ADAMTSL1: variants seen among roughly 807,000 people sequenced by gnomAD.
ADAMTSL1 encodes ADAMTS like 1.
ADAMTSL1 carries 126 observed loss-of-function variants against 201.8 expected under a neutral mutation model. The observed-to-expected ratio is 0.62, with a 90% confidence interval of 0.54 to 0.72. ADAMTSL1 has a LOEUF of 0.72. Ranked by LOEUF, ADAMTSL1 falls within the 30% of genes least tolerant of loss-of-function variation. ADAMTSL1 has a pLI of 0.00. For missense variants in ADAMTSL1, 2,679 were observed against 2,277.8 expected (o/e 1.18, Z -3.59); for synonymous variants, 1,121 against 903.4 (o/e 1.24, Z -4.32).
At chr9:18,259,436 C>T (rs116007652) in intron 2 of ADAMTSL1, among the ~76,000 whole-genome samples, 1,668 of 151,422 alleles carry the variant, frequency 0.011, 33 homozygotes, top group African/African-American at 0.037. Flanking sequence ...GAGGTGAGCC[C>T]GGGAGGCAGA....
intron 1 of ADAMTSL1, among the ~76,000 whole-genome samples, chr9:18,023,848 G>C (rs547483031): frequency 6.6e-6 from 1 of 152,178 alleles, no homozygotes; most frequent in Non-Finnish European, 1.5e-5. Context: ...GCAATGCAGA[G>C]AATTCAGGAG....
chr9:18,578,082 C>T (rs761908996), intron 4 of ADAMTSL1, among the ~76,000 whole-genome samples: 2 of 151,680 alleles, frequency 1.3e-5, no homozygotes, highest in Non-Finnish European at 2.9e-5. Flanking sequence ...TCTAGTCCAG[C>T]CCCAGCAAAT....
intron 2 of ADAMTSL1, among the ~76,000 whole-genome samples, chr9:18,274,854 C>G (rs538053917): frequency 6.6e-6 from 1 of 152,200 alleles, no homozygotes; most frequent in African/African-American, 2.4e-5. Flanking sequence ...TAAGCCTGTA[C>G]TTTGAGGAAT....
chr9:18,230,406 C>T lies in ADAMTSL1; in HGVS notation c.207+66425C>T, dbSNP rs115169583. Among the ~76,000 whole-genome samples the T allele has an allele frequency of 4.2e-3, 631 of 152,010 alleles. 7 individuals are homozygous for T. The highest frequency in any genetic ancestry group is 0.015 in the African/African-American group (609 of 41,470). ...GGCTGGGAGAAGTAGGGGAAGTGTC[C>T]CCTGGGCTGAAGAGCAATGTGAGTA... On this transcript the variant is annotated intron_variant, in intron 2 of 29. Coordinates refer to the ADAMTSL1 transcript ENST00000680146.
intron 2 of ADAMTSL1, among the ~76,000 whole-genome samples, chr9:18,383,906 T>A (rs1299314460): frequency 6.6e-6 from 1 of 152,180 alleles, no homozygotes; most frequent in East Asian, 1.9e-4. Flanking sequence ...GTCTGGTTAA[T>A]GCAGATTCTG....
intron 23 of ADAMTSL1, among the ~76,000 whole-genome samples, chr9:18,853,884 A>ACTCT (rs1006513440): frequency 5.3e-4 from 37 of 69,850 alleles, no homozygotes; most frequent in African/African-American, 2.9e-3. Context: ...ACTTGTATTC[A>ACTCT]CTCTCTGTGT....
At chr9:18,446,360 G>A (rs376131788) in intron 2 of ADAMTSL1, among the ~76,000 whole-genome samples, 2 of 152,170 alleles carry the variant, frequency 1.3e-5, no homozygotes, top group Non-Finnish European at 2.9e-5. Context: ...TTTTCTGAAA[G>A]CATTTAAAGG....
rs1354462182 is a variant in ADAMTSL1, at chr9:18,892,294, T to A, written c.4644-95T>A. ...CTGTAAAAAGGGCCTTGGCCCCAAA[T>A]TAGTGGCAAGAGCAGGGATGTCGGT... On this transcript the variant is annotated intron_variant, in intron 25 of 28. Transcript: ENST00000380548. The A allele has an allele frequency of 4.7e-5, 61 of 1,287,816 alleles. 1 individual carries two copies. The African/African-American group carries it at 7.8e-4, about 16-fold the overall frequency. The allele number at this position is 1,287,816 out of a possible 1,614,324, so 79.8% of individuals were successfully genotyped here. A position where few individuals can be genotyped will look rare whatever the true frequency, so the allele number is the denominator to read the frequency against.
At chr9:18,846,326 G>T (rs139989902) in intron 23 of ADAMTSL1, among the ~76,000 whole-genome samples, 1 of 152,294 alleles carries the variant, frequency 6.6e-6, no homozygotes, top group African/African-American at 2.4e-5. Context: ...GGCCAAGATT[G>T]CTTTGAGAAA....
chr9:18,510,838 G>C (rs944195411), intron 2 of ADAMTSL1, among the ~76,000 whole-genome samples: 1 of 151,898 alleles, frequency 6.6e-6, no homozygotes, highest in African/African-American at 2.4e-5. Flanking sequence ...AAAGTACTAG[G>C]TACCTTGAGA....
intron 9 of ADAMTSL1, among the ~76,000 whole-genome samples, chr9:18,673,239 A>T (rs915033159): frequency 2.0e-5 from 3 of 148,236 alleles, no homozygotes; most frequent in Non-Finnish European, 4.5e-5. Flanking sequence ...TTTGCTTAAG[A>T]AAAAAAAAAA....
At chr9:18,622,454 A>G in intron 5 of ADAMTSL1, 85 bp downstream of exon 5, 1 of 1,573,216 alleles carries the variant, frequency 6.4e-7, no homozygotes, top group Non-Finnish European at 8.7e-7. Flanking sequence ...ACAGCCAGGG[A>G]ACAACACCTC....
intron 2 of ADAMTSL1, among the ~76,000 whole-genome samples, chr9:18,466,839 C>T (rs1219407336): frequency 2.0e-5 from 3 of 152,030 alleles, no homozygotes; most frequent in Non-Finnish European, 2.9e-5. Flanking sequence ...AAATTGAAGA[C>T]CATACAGTGA....
intron 1 of ADAMTSL1, among the ~76,000 whole-genome samples, chr9:18,043,632 G>C: frequency 6.6e-6 from 1 of 151,960 alleles, no homozygotes; most frequent in East Asian, 1.9e-4. Context: ...GGAAGATATG[G>C]CCAGCAGCAA....
In ADAMTSL1 at chr9:18,661,162, A is replaced by G. The variant is rs927811952; in HGVS notation, c.947-773A>G. On this transcript the variant is annotated intron_variant, in intron 8 of 28. Transcript: ENST00000380548. ...AAGGCAGGTAGGAAAGATAAAACAT[A>G]TGAAAAGAATTAACTATTACTCAAC... Among the ~76,000 whole-genome samples the G allele has an allele frequency of 1.5e-4, 23 of 152,334 alleles. No homozygotes were observed. In the East Asian group the frequency reaches 4.4e-3, roughly 29 times the overall value.
chr9:18,093,643 T>C (rs920166208), intron 1 of ADAMTSL1, among the ~76,000 whole-genome samples: 2 of 152,188 alleles, frequency 1.3e-5, no homozygotes, highest in African/African-American at 4.8e-5. Flanking sequence ...CAAATGTAAC[T>C]ATAAAAATCT....
chr9:18,846,543 A>G (rs1826127501), intron 23 of ADAMTSL1, among the ~76,000 whole-genome samples: 1 of 152,210 alleles, frequency 6.6e-6, no homozygotes, highest in African/African-American at 2.4e-5. Flanking sequence ...TCTGTAAGAT[A>G]TTTACACTTT....
At chr9:17,913,589 C>T (rs1350715137) in intron 1 of ADAMTSL1, among the ~76,000 whole-genome samples, 1 of 152,132 alleles carries the variant, frequency 6.6e-6, no homozygotes, top group Middle Eastern at 3.4e-3. Context: ...AAAATTGACA[C>T]CCTAACATCA....
At chr9:18,033,482 C>G (rs995710639) in intron 1 of ADAMTSL1, among the ~76,000 whole-genome samples, 1 of 152,190 alleles carries the variant, frequency 6.6e-6, no homozygotes, top group African/African-American at 2.4e-5. Context: ...TGAAGCTCCT[C>G]TAGTTGTCCA....
Sources: allele counts gnomAD v4.1 joint callset (sites outside exome capture counted in the v4.1 genomes callset), GRCh38; gene constraint gnomAD v4.1.1; transcripts MANE v1.5; gene names NCBI Gene and HGNC (gene_info 2026-07-23, HGNC 2026-07-21).